The following CACNA1C variants were observed in gnomAD, a reference collection of about 807,000 sequenced individuals.
The protein encoded by CACNA1C is calcium voltage-gated channel subunit alpha1 C.
A neutral mutation model predicts 229.0 loss-of-function variants in CACNA1C; 30 were observed. The ratio of observed to expected loss-of-function variants is 0.13; its 90% CI spans 0.10 to 0.18. The LOEUF is 0.18. Among genes scored for constraint, CACNA1C ranks in the 10% least tolerant of loss-of-function variants. CACNA1C has a pLI of 1.00. For missense variants in CACNA1C, 1,658 were observed against 2,845.0 expected (o/e 0.58, Z 9.49); for synonymous variants, 1,114 against 1,132.5 (o/e 0.98, Z 0.33).
intron 2 of CACNA1C, among the ~76,000 whole-genome samples, chr12:2,117,096 C>T (rs1256120693): frequency 6.6e-6 from 1 of 152,110 alleles, no homozygotes; most frequent in East Asian, 1.9e-4. Context: ...TGAGGTGAAA[C>T]CTTATCTCTG....
intron 3 of CACNA1C, among the ~76,000 whole-genome samples, chr12:2,434,486 A>G (rs1224886733): frequency 6.6e-6 from 1 of 152,218 alleles, no homozygotes; most frequent in Non-Finnish European, 1.5e-5. Context: ...TCCAAGCTGC[A>G]ATAGTTGTGG....
chr12:2,513,472 G>T (rs1447324684), intron 9 of CACNA1C, among the ~76,000 whole-genome samples: 1 of 152,232 alleles, frequency 6.6e-6, no homozygotes, highest in Non-Finnish European at 1.5e-5. Context: ...TCCTTAAGGG[G>T]GTTAGATTCA....
chr12:2,062,351 G>A (rs2057801060), intron 1 of CACNA1C, among the ~76,000 whole-genome samples: 1 of 152,176 alleles, frequency 6.6e-6, no homozygotes, highest in South Asian at 2.1e-4. Context: ...GGAAACTGAG[G>A]ACCAAAGTCT....
intron 3 of CACNA1C, among the ~76,000 whole-genome samples, chr12:2,213,386 G>A: frequency 6.6e-6 from 1 of 152,122 alleles, no homozygotes; most frequent in Non-Finnish European, 1.5e-5. Flanking sequence ...TTGGAGAGGT[G>A]ACCTTCCCCT....
rs189823119 is a variant in CACNA1C, at chr12:2,694,360, G to A, written c.*3161G>A. ...ATACCCCTCCTGACAGCCCCCAAGT[G>A]TCAGGAGAAAACAGTCAGGGGCTAA... On this transcript the variant is annotated 3_prime_UTR_variant, in exon 47 of 47. Transcript: ENST00000399655. 44 of 152,294 alleles carry A rather than the reference G, an allele frequency of 2.9e-4. No homozygotes were observed. Among genetic ancestry groups the A allele is most frequent in the African/African-American group, 9.9e-4 (41 of 41,564 alleles). 9.4% of individuals were successfully genotyped at this position (152,294 alleles called of 1,614,324 possible).
intron 3 of CACNA1C, among the ~76,000 whole-genome samples, chr12:2,420,232 A>C (rs1056926539): frequency 3.3e-5 from 5 of 151,300 alleles, no homozygotes; most frequent in Admixed American, 6.6e-5. Flanking sequence ...CACTCCCACT[A>C]ACTGAACCTC....
chr12:2,673,343 G>A (rs1449294570), intron 38 of CACNA1C, among the ~76,000 whole-genome samples: 3 of 151,938 alleles, frequency 2.0e-5, no homozygotes, highest in Admixed American at 6.6e-5. Flanking sequence ...GCCCATGCCT[G>A]TAATCCCAGC....
chr12:2,360,839 T>C (rs1434887869), intron 3 of CACNA1C, among the ~76,000 whole-genome samples: 1 of 152,208 alleles, frequency 6.6e-6, no homozygotes, highest in African/African-American at 2.4e-5. Flanking sequence ...TTCAATGTTT[T>C]TTTTTTCTTT....
chr12:2,083,515 C>T (rs2066454363), intron 1 of CACNA1C, among the ~76,000 whole-genome samples: 1 of 152,192 alleles, frequency 6.6e-6, no homozygotes, highest in Admixed American at 6.5e-5. Flanking sequence ...TGGGTTTATG[C>T]TGTGATTCAC....
chr12:2,264,991 ACTT>A (rs1298267816), intron 3 of CACNA1C, among the ~76,000 whole-genome samples: 1 of 152,040 alleles, frequency 6.6e-6, no homozygotes, highest in East Asian at 1.9e-4. Context: ...TTTCTTGACT[ACTT>A]CTTAAGCCTC....
At chr12:2,143,137 G>C (rs370892445) in intron 3 of CACNA1C, among the ~76,000 whole-genome samples, 3 of 150,858 alleles carry the variant, frequency 2.0e-5, no homozygotes, top group African/African-American at 7.3e-5. Context: ...CACCATGCCC[G>C]GCTAAGTTTT....
At chr12:2,148,674 A>G (rs958810924) in intron 3 of CACNA1C, among the ~76,000 whole-genome samples, 1 of 151,154 alleles carries the variant, frequency 6.6e-6, no homozygotes, top group African/African-American at 2.4e-5. Context: ...CAGCCTCCTG[A>G]GTATCTGGGA....
intron 29 of CACNA1C, among the ~76,000 whole-genome samples, chr12:2,629,498 T>C (rs2089285566): frequency 6.6e-6 from 1 of 152,218 alleles, no homozygotes; most frequent in African/African-American, 2.4e-5. Context: ...AATGGCAAGT[T>C]CTGAGTGCTT....
intron 3 of CACNA1C, among the ~76,000 whole-genome samples, chr12:2,378,136 A>T (rs1284620286): frequency 6.6e-6 from 1 of 152,130 alleles, no homozygotes; most frequent in Non-Finnish European, 1.5e-5. Flanking sequence ...AGTAATAATG[A>T]TTATAAAGTC....
chr12:2,449,581 A>C (rs1252802374), intron 4 of CACNA1C, among the ~76,000 whole-genome samples: 1 of 152,250 alleles, frequency 6.6e-6, no homozygotes, highest in African/African-American at 2.4e-5. Context: ...GCAAGAAGAA[A>C]GGATCTGTGA....
At chr12:2,004,622 GC>G in intron 1 of CACNA1C, 1 of 758,290 alleles carries the variant, frequency 1.3e-6, no homozygotes, top group Non-Finnish European at 2.0e-6. Context: ...GCCGCGCCCC[GC>G]CCACTGAGGA....
chr12:2,648,370 C>A, intron 30 of CACNA1C, 105 bp from the exon 31 acceptor site: 1 of 1,048,800 alleles, frequency 9.5e-7, no homozygotes. Flanking sequence ...TTTCCTTTTG[C>A]CCTCTTCTGC....
intron 3 of CACNA1C, among the ~76,000 whole-genome samples, chr12:2,371,136 C>G (rs1374103828): frequency 6.6e-6 from 1 of 152,166 alleles, no homozygotes; most frequent in Non-Finnish European, 1.5e-5. Flanking sequence ...CAGACTAATT[C>G]TGAGTAGCTT....
At chr12:2,667,284 A>ACCGTGGCCACTCCC in intron 37 of CACNA1C, among the ~76,000 whole-genome samples, 1 of 123,306 alleles carries the variant, frequency 8.1e-6, no homozygotes, top group African/African-American at 4.3e-5. Context: ...TGGCCACTCC[A>ACCGTGGCCACTCCC]CGCTCCTTTT....
Sources: allele counts gnomAD v4.1 joint callset (sites outside exome capture counted in the v4.1 genomes callset), GRCh38; gene constraint gnomAD v4.1.1; transcripts MANE v1.5; gene names NCBI Gene and HGNC (gene_info 2026-07-23, HGNC 2026-07-21).